The following RYR2 variants were observed in gnomAD, a reference collection of about 807,000 sequenced individuals.
RYR2 encodes cardiac muscle ryanodine receptor-calcium release channel.
RYR2 carries 227 observed loss-of-function variants against 601.1 expected under a neutral mutation model. The ratio of observed to expected loss-of-function variants is 0.38; its 90% CI spans 0.34 to 0.42. The LOEUF (loss-of-function observed/expected upper bound fraction) is 0.42. RYR2 is among the 10% of genes least tolerant of loss of function. The probability of loss-of-function intolerance (pLI) is 1.00; values close to 1 mark genes in which losing one functional copy is unlikely to be tolerated. For missense variants in RYR2, 4,646 were observed against 6,156.5 expected (o/e 0.75, Z 8.21); for synonymous variants, 2,223 against 2,175.1 (o/e 1.02, Z -0.61).
At chr1:237,756,708 T>C (rs962829090) in intron 81 of RYR2, among the ~76,000 whole-genome samples, 1 of 152,182 alleles carries the variant, frequency 6.6e-6, no homozygotes, top group Non-Finnish European at 1.5e-5. Flanking sequence ...GGAGAGTCAA[T>C]ATGTTCAGCT....
chr1:237,800,393 A>G (rs945819468), intron 97 of RYR2, among the ~76,000 whole-genome samples: 60 of 152,126 alleles, frequency 3.9e-4, no homozygotes, highest in Non-Finnish European at 7.9e-4. Context: ...AAAATTAATT[A>G]TAGTTCAAAG....
At position 237,533,650 on chromosome 1, in the gene RYR2, T is replaced by C. The variant is rs186925222; in HGVS notation, c.2906+3140T>C. Among the ~76,000 whole-genome samples the C allele has an allele frequency of 4.7e-3, 710 of 152,256 alleles. 7 individuals are homozygous for C. The highest frequency in any genetic ancestry group is 0.016 in the African/African-American group (666 of 41,554). On this transcript the variant is annotated intron_variant, in intron 25 of 104. Transcript: ENST00000366574. ...AACATTCTACAAGGGTGATGCAATG[T>C]AAAACCATCTTTGAGGCTCAAAAGC...
intron 79 of RYR2, among the ~76,000 whole-genome samples, chr1:237,741,669 T>A (rs1183319399): frequency 6.6e-6 from 1 of 152,210 alleles, no homozygotes; most frequent in Admixed American, 6.5e-5. Flanking sequence ...TGGCACAATC[T>A]TGGCTCACTG....
intron 1 of RYR2, among the ~76,000 whole-genome samples, chr1:237,229,944 T>C (rs1180091133): frequency 6.6e-6 from 1 of 152,138 alleles, no homozygotes; most frequent in Non-Finnish European, 1.5e-5. Flanking sequence ...TGTGTGCTCA[T>C]ATATAACGTT....
chr1:237,288,647 C>T (rs1056419403), intron 2 of RYR2, among the ~76,000 whole-genome samples: 1 of 152,052 alleles, frequency 6.6e-6, no homozygotes, highest in Non-Finnish European at 1.5e-5. Context: ...AAGGGCCAGT[C>T]GTACTCCCAC....
Position 237,655,964 on chromosome 1 carries a change from A to G in RYR2, c.8109A>G (p.Pro2703=). The change falls in exon 53 of 105, where the codon CCA becomes CCG. Residue 2703 remains proline (P), a synonymous_variant. Coordinates refer to ENST00000366574, the MANE Select transcript of RYR2 (RefSeq NM_001035.3). The part of the protein sequence containing the change: ...SSMDSEGNFN[P]QPVDTSNITI... ...TGGATTCTGAAGGGAACTTTAACCCACAACCTGTTGATACCTCAAAGTATG... is the reference window on the plus strand; with the variant it reads ...TGGATTCTGAAGGGAACTTTAACCCGCAACCTGTTGATACCTCAAAGTATG... The G allele has an allele frequency of 6.2e-7, 1 of 1,613,514 alleles. No individual in the cohort carries two copies. The highest frequency in any genetic ancestry group is 8.5e-7 in the Non-Finnish European group (1 of 1,179,662).
intron 12 of RYR2, among the ~76,000 whole-genome samples, chr1:237,429,834 G>A (rs1442005436): frequency 1.3e-5 from 2 of 152,090 alleles, no homozygotes; most frequent in Non-Finnish European, 2.9e-5. Context: ...GTGAAAACTT[G>A]TAGGTAAAAA....
chr1:237,225,271 A>C (rs1198345291), intron 1 of RYR2, among the ~76,000 whole-genome samples: 1 of 152,210 alleles, frequency 6.6e-6, no homozygotes, highest in Non-Finnish European at 1.5e-5. Flanking sequence ...CCCAAGAGGA[A>C]GAAAGTTGAG....
At chr1:237,107,296 C>T (rs557627290) in intron 1 of RYR2, among the ~76,000 whole-genome samples, 29 of 151,408 alleles carry the variant, frequency 1.9e-4, no homozygotes, top group South Asian at 4.2e-4. Flanking sequence ...CTGAGGCGGG[C>T]GGATCACGAG....
intron 63 of RYR2, among the ~76,000 whole-genome samples, chr1:237,693,247 A>G (rs1336387399): frequency 1.3e-5 from 2 of 151,762 alleles, no homozygotes; most frequent in African/African-American, 2.4e-5. Context: ...GAGGTCCATG[A>G]AAACACTTAG....
intron 27 of RYR2, among the ~76,000 whole-genome samples, chr1:237,556,779 A>C (rs1282414562): frequency 2.0e-5 from 3 of 151,380 alleles, no homozygotes; most frequent in African/African-American, 4.9e-5. Context: ...GAGTCATAAC[A>C]CAGGGGGTTT....
chr1:237,655,838 T>A lies in RYR2; in HGVS notation c.7983T>A (p.Leu2661=). ...ALSQKKYEQE[L]FKLALPCLSA... ...TTTCCCAGAAATATGAACAAGAACT[T>A]TTCAAACTGGCACTGCCTTGCCTGA... The change falls in exon 53 of 105, where the codon CTT becomes CTA. Residue 2661 remains leucine (L), a synonymous_variant. Coordinates refer to ENST00000366574, the MANE Select transcript of RYR2 (RefSeq NM_001035.3). The A allele has an allele frequency of 4.4e-6, 7 of 1,599,484 alleles. No individual in the cohort carries two copies. The highest frequency in any genetic ancestry group is 6.0e-6 in the Non-Finnish European group (7 of 1,173,406).
At chr1:237,633,480 C>G in intron 42 of RYR2, 98 bp from the exon 43 acceptor site, 1 of 1,426,756 alleles carries the variant, frequency 7.0e-7, no homozygotes, top group Non-Finnish European at 9.7e-7. Context: ...CACACATGGA[C>G]ACACGGGGAT....
Position 237,831,862 on chromosome 1 carries a change from T to TTTGA in RYR2, c.14808+300_14808+301insATTG, listed in dbSNP as rs34924267. ...GAGTTCTTAATTATTGCATAATGTC[T>TTTGA]TTGTTTAATCAGATAGATGATTTCC... On this transcript the variant is annotated intron_variant, in intron 104 of 104. Coordinates refer to ENST00000366574, the MANE Select transcript of RYR2 (RefSeq NM_001035.3). Among the ~76,000 whole-genome samples the TTTGA allele has an allele frequency of 0.8, 122,148 of 151,768 alleles. 50,008 individuals are homozygous for TTTGA. The highest frequency in any genetic ancestry group is 0.95 in the African/African-American group (39,330 of 41,454).
intron 1 of RYR2, among the ~76,000 whole-genome samples, chr1:237,066,460 G>T (rs1663629066): frequency 6.6e-6 from 1 of 152,146 alleles, no homozygotes; most frequent in South Asian, 2.1e-4. Context: ...ATTCCCATCA[G>T]CAATGTTTGG....
At chr1:237,255,226 G>A (rs564674706) in intron 1 of RYR2, among the ~76,000 whole-genome samples, 27 of 152,300 alleles carry the variant, frequency 1.8e-4, no homozygotes, top group Admixed American at 1.4e-3. Context: ...TTTGGTGAAT[G>A]TATCTGTCGA....
chr1:237,467,530 G>A (rs1378732257), intron 16 of RYR2, among the ~76,000 whole-genome samples: 5 of 152,090 alleles, frequency 3.3e-5, no homozygotes, highest in African/African-American at 4.8e-5. Flanking sequence ...CTTAAGGGAG[G>A]CTGCTGGACC....
chr1:237,361,886 AT>A (rs1699811307), intron 4 of RYR2, among the ~76,000 whole-genome samples: 1 of 151,976 alleles, frequency 6.6e-6, no homozygotes, highest in South Asian at 2.1e-4. Context: ...TTGCTATTTG[AT>A]TTGTTTTTCT....
At chr1:237,414,542 T>C (rs1704767170) in intron 10 of RYR2, among the ~76,000 whole-genome samples, 1 of 152,170 alleles carries the variant, frequency 6.6e-6, no homozygotes, top group African/African-American at 2.4e-5. Flanking sequence ...GGCACAAAAT[T>C]ATTTTTAATT....
Sources: gnomAD v4.1 joint callset for allele counts (sites outside exome capture counted in the v4.1 genomes callset) on GRCh38, gnomAD v4.1.1 for gene constraint, MANE v1.5 for transcripts, NCBI Gene and HGNC (gene_info 2026-07-23, HGNC 2026-07-21) for gene names.